The following NUP210L variants were observed in gnomAD, a reference collection of about 807,000 sequenced individuals.
The protein encoded by NUP210L is nuclear pore membrane glycoprotein 210-like.
A neutral mutation model predicts 208.5 loss-of-function variants in NUP210L; 74 were observed. The observed-to-expected ratio is 0.35, with a 90% CI of 0.29 to 0.43. NUP210L has a LOEUF of 0.43. NUP210L is among the 20% of genes least tolerant of loss of function. NUP210L has a pLI of 1.00. For missense variants in NUP210L, 1,843 were observed against 2,289.4 expected, an observed-to-expected ratio of 0.81 and a Z score of 3.98; for synonymous variants, 780 against 816.9, an observed-to-expected ratio of 0.95 and a Z score of 0.77.
intron 12 of NUP210L, among the ~76,000 whole-genome samples, chr1:154,108,692 A>G (rs1050227039): frequency 3.3e-5 from 5 of 151,776 alleles, no homozygotes; most frequent in African/African-American, 4.9e-5. Context: ...GAAGACCACA[A>G]AACAACCAGA....
intron 35 of NUP210L, among the ~76,000 whole-genome samples, chr1:154,004,065 C>T (rs1650365182): frequency 6.6e-6 from 1 of 151,240 alleles, no homozygotes; most frequent in East Asian, 2.0e-4. Context: ...GGTATCCTTG[C>T]CTGTTTTTTG....
chr1:154,117,147 T>C (rs955665550), intron 12 of NUP210L, among the ~76,000 whole-genome samples: 8 of 152,260 alleles, frequency 5.3e-5, no homozygotes, highest in Non-Finnish European at 1.2e-4. Flanking sequence ...AATTTTCCAG[T>C]TAAAAACATT....
intron 12 of NUP210L, among the ~76,000 whole-genome samples, chr1:154,114,159 T>A (rs894925026): frequency 2.7e-4 from 40 of 149,776 alleles, no homozygotes; most frequent in African/African-American, 9.8e-4. Flanking sequence ...AAAAAAAAAA[T>A]TTGCCAGGCG....
chr1:154,075,903 C>T (rs552879881), intron 16 of NUP210L, among the ~76,000 whole-genome samples: 1 of 151,996 alleles, frequency 6.6e-6, no homozygotes, highest in African/African-American at 2.4e-5. Flanking sequence ...AATCCTCCCA[C>T]CTCAGCCTCC....
At chr1:154,132,403 A>G (rs1658305295) in intron 7 of NUP210L, among the ~76,000 whole-genome samples, 1 of 152,092 alleles carries the variant, frequency 6.6e-6, no homozygotes, top group Admixed American at 6.6e-5. Context: ...TTGGATATCT[A>G]TCCCACAGTT....
intron 13 of NUP210L, among the ~76,000 whole-genome samples, chr1:154,102,250 T>C (rs753861133): frequency 2.0e-5 from 3 of 152,142 alleles, no homozygotes; most frequent in African/African-American, 2.4e-5. Context: ...TCATGAAAAG[T>C]AGGTTGGGTT....
chr1:154,084,038 CTTTTTTTTT>C (rs34861266), intron 16 of NUP210L, among the ~76,000 whole-genome samples: 1 of 103,612 alleles, frequency 9.7e-6, no homozygotes, highest in Non-Finnish European at 1.9e-5. Flanking sequence ...CTTTTCCTTT[CTTTTTTTTT>C]TTTTTTTTTT....
chr1:154,055,103 CT>C lies in NUP210L; in HGVS notation c.3241-272del, dbSNP rs1448441077. On this transcript the variant is annotated intron_variant, in intron 23 of 39. Transcript: ENST00000368559. The stretch of plus-strand genomic sequence containing the variant: ...TCCTTTCCTTCCTTTCCTTCTCTTT[CT>C]TTTCTTTCTCTTTCTTTCTTTTCTT... Among the ~76,000 whole-genome samples, 51 of 149,706 alleles carry C rather than the reference CT, an allele frequency of 3.4e-4. No homozygotes were observed. In the South Asian group the frequency reaches 6.4e-3, roughly 19 times the overall value.
intron 35 of NUP210L, among the ~76,000 whole-genome samples, chr1:154,009,495 T>A (rs185186268): frequency 6.6e-6 from 1 of 151,640 alleles, no homozygotes; most frequent in Non-Finnish European, 1.5e-5. Context: ...TTAAAACTTA[T>A]TTGAATAGGG....
chr1:154,146,162 G>A (rs1659098931), intron 2 of NUP210L, among the ~76,000 whole-genome samples: 1 of 152,076 alleles, frequency 6.6e-6, no homozygotes, highest in Non-Finnish European at 1.5e-5. Context: ...AAAAATTAAA[G>A]AAAAGATAAG....
In NUP210L at chr1:154,100,001, T is replaced by C. The variant is rs776440799; in HGVS notation, c.1962A>G (p.Leu654=). 1.7e-5 allele frequency: 27 copies of C among 1,613,956 alleles called. No homozygotes were observed. In the Admixed American group the frequency reaches 4.2e-4, roughly 25 times the overall value. ...TCCTTACCATGAAATATCTTACCTT[T>C]AGGGGTTCATAAGCAGCAAATGTAG... The change falls in exon 14 of 40, where the codon CTA becomes CTG. Residue 654 remains leucine (L), a synonymous_variant. Transcript: ENST00000368559.
At position 153,995,030 on chromosome 1, in the gene NUP210L, G is replaced by T. The variant is rs780350337; in HGVS notation, c.5491+46C>A. On this transcript the variant is annotated intron_variant, in intron 38 of 39. Transcript: ENST00000368559. ...CCATCTCAAAAAAAAAAAAAAAAAGGCAGTTTTCATGTCAAAGTCTATGTT... is the reference window on the plus strand; with the variant it reads ...CCATCTCAAAAAAAAAAAAAAAAAGTCAGTTTTCATGTCAAAGTCTATGTT... 34 of 1,160,410 alleles carry T rather than the reference G, an allele frequency of 2.9e-5. No individual in the cohort carries two copies. The South Asian group carries it at 3.9e-4, about 13-fold the overall frequency. 71.9% of individuals were successfully genotyped at this position (1,160,410 alleles called of 1,614,324 possible).
At chr1:154,006,065 T>C (rs1650510678) in intron 35 of NUP210L, among the ~76,000 whole-genome samples, 1 of 152,010 alleles carries the variant, frequency 6.6e-6, no homozygotes, top group Non-Finnish European at 1.5e-5. Context: ...TCCATGTTGA[T>C]CATGCTGGTC....
intron 10 of NUP210L, among the ~76,000 whole-genome samples, chr1:154,121,390 G>A (rs1023611787): frequency 6.6e-6 from 1 of 152,070 alleles, no homozygotes; most frequent in Non-Finnish European, 1.5e-5. Flanking sequence ...ATGATAACTA[G>A]ACTAAAAGAT....
chr1:154,126,284 G>A, intron 10 of NUP210L, 39 bp downstream of exon 10: 2 of 1,578,154 alleles, frequency 1.3e-6, no homozygotes, highest in Non-Finnish European at 8.6e-7. Context: ...AGCCTCTTCA[G>A]TGTTCTTAGA....
chr1:154,010,884 A>G (rs1650870301), intron 34 of NUP210L, among the ~76,000 whole-genome samples: 1 of 152,036 alleles, frequency 6.6e-6, no homozygotes, highest in Non-Finnish European at 1.5e-5. Context: ...TAAATAAATA[A>G]ATAAATAAAT....
intron 17 of NUP210L, among the ~76,000 whole-genome samples, chr1:154,070,059 G>A (rs904276622): frequency 2.0e-5 from 3 of 152,212 alleles, no homozygotes; most frequent in South Asian, 4.1e-4. Context: ...CATGGGGTGC[G>A]GGGATGGGGG....
intron 15 of NUP210L, among the ~76,000 whole-genome samples, chr1:154,090,299 A>G (rs1188225199): frequency 1.3e-5 from 2 of 152,168 alleles, no homozygotes; most frequent in East Asian, 3.8e-4. Context: ...TAAAAAGTGA[A>G]AAAACTAATT....
At chr1:154,128,183 T>G (rs1658077730) in intron 8 of NUP210L, among the ~76,000 whole-genome samples, 1 of 152,108 alleles carries the variant, frequency 6.6e-6, no homozygotes, top group African/African-American at 2.4e-5. Context: ...ATCTTTTAGT[T>G]CCTTCTCTCA....
Sources: gnomAD v4.1 joint callset for allele counts (sites outside exome capture counted in the v4.1 genomes callset) on GRCh38, gnomAD v4.1.1 for gene constraint, MANE v1.5 for transcripts, NCBI Gene and HGNC (gene_info 2026-07-23, HGNC 2026-07-21) for gene names.